Variants in TENM2 observed in about 807,000 individuals in gnomAD.
The protein encoded by TENM2 is teneurin transmembrane protein 2.
In TENM2, 52 loss-of-function variants were observed where a neutral mutation model predicts 245.2. That is an observed-to-expected ratio of 0.21 (90% confidence interval 0.17 to 0.27). TENM2 has a LOEUF of 0.27. TENM2 is among the 10% of genes least tolerant of loss of function. TENM2 has a pLI of 1.00. For missense variants in TENM2, 3,046 were observed against 3,666.8 expected (o/e 0.83, Z 4.37); for synonymous variants, 1,363 against 1,438.9 (o/e 0.95, Z 1.19).
intron 2 of TENM2, among the ~76,000 whole-genome samples, chr5:167,869,481 A>T (rs190885299): frequency 2.0e-4 from 30 of 152,352 alleles, no homozygotes; most frequent in African/African-American, 6.5e-4. Context: ...AGTGTGGGTG[A>T]TAAGTGTGGA....
chr5:167,640,894 T>TGG (rs1319130853), intron 2 of TENM2, among the ~76,000 whole-genome samples: 1 of 108,406 alleles, frequency 9.2e-6, no homozygotes, highest in Admixed American at 9.7e-5. Context: ...TATATATATA[T>TGG]ATATATATAT....
intron 2 of TENM2, among the ~76,000 whole-genome samples, chr5:167,748,809 C>T (rs1761760012): frequency 6.6e-6 from 1 of 152,062 alleles, no homozygotes; most frequent in African/African-American, 2.4e-5. Context: ...ATCATGAGAA[C>T]AGCGCGGCGG....
chr5:167,492,923 C>T (rs1455016851), intron 2 of TENM2, among the ~76,000 whole-genome samples: 1 of 152,072 alleles, frequency 6.6e-6, no homozygotes, highest in Non-Finnish European at 1.5e-5. Context: ...ACAAAATCAG[C>T]TACTTTAAGG....
At chr5:166,990,651 A>T in the TENM2 span, among the ~76,000 whole-genome samples, 2 of 152,320 alleles carry the variant, frequency 1.3e-5, no homozygotes, top group East Asian at 3.9e-4. Flanking sequence ...AACATAATAC[A>T]TTTTACAAAA....
At chr5:167,151,804 A>G in the TENM2 span, among the ~76,000 whole-genome samples, 1 of 152,166 alleles carries the variant, frequency 6.6e-6, no homozygotes, top group South Asian at 2.1e-4. Context: ...GGCGTGAGCC[A>G]CCGCGCCTGG....
At chr5:167,161,815 A>C in the TENM2 span, among the ~76,000 whole-genome samples, 4 of 152,188 alleles carry the variant, frequency 2.6e-5, no homozygotes, top group Non-Finnish European at 5.9e-5. Flanking sequence ...CACTATTCAG[A>C]ATTTTAAATA....
intron 6 of TENM2, among the ~76,000 whole-genome samples, chr5:168,055,387 A>G (rs1005883516): frequency 6.6e-6 from 1 of 152,244 alleles, no homozygotes; most frequent in Non-Finnish European, 1.5e-5. Context: ...AATAACGCAG[A>G]CTGCACAGAG....
the TENM2 span, among the ~76,000 whole-genome samples, chr5:167,263,567 A>C: frequency 2.0e-5 from 3 of 152,070 alleles, no homozygotes; most frequent in Admixed American, 2.0e-4. Flanking sequence ...ATTCCCCATA[A>C]GCTAAAATAA....
chr5:167,392,557 A>G (rs1325152557), intron 2 of TENM2, among the ~76,000 whole-genome samples: 2 of 152,142 alleles, frequency 1.3e-5, no homozygotes, highest in East Asian at 1.9e-4. Flanking sequence ...AATCTATACC[A>G]TAACCTCTCC....
intron 2 of TENM2, among the ~76,000 whole-genome samples, chr5:167,479,901 T>G (rs1246487819): frequency 6.6e-6 from 1 of 152,198 alleles, no homozygotes; most frequent in Non-Finnish European, 1.5e-5. Flanking sequence ...TTTTAACATT[T>G]TAATGCATGA....
chr5:168,221,090 C>T (rs188150532), intron 23 of TENM2, among the ~76,000 whole-genome samples: 16 of 150,006 alleles, frequency 1.1e-4, no homozygotes, highest in African/African-American at 2.9e-4. Context: ...CCAGCCTGGG[C>T]GACAGAGCAA....
At chr5:168,057,879 GA>G in intron 6 of TENM2, among the ~76,000 whole-genome samples, 1 of 151,974 alleles carries the variant, frequency 6.6e-6, no homozygotes, top group South Asian at 2.1e-4. Context: ...TGGGTAGCTG[GA>G]AAAACCCTCA....
At chr5:168,166,487 G>A (rs1418759485) in intron 13 of TENM2, among the ~76,000 whole-genome samples, 1 of 152,140 alleles carries the variant, frequency 6.6e-6, no homozygotes, top group African/African-American at 2.4e-5. Flanking sequence ...AGAGAATTAA[G>A]CCCTAATACT....
At chr5:167,168,904 C>T in the TENM2 span, among the ~76,000 whole-genome samples, 9 of 151,918 alleles carry the variant, frequency 5.9e-5, no homozygotes, top group South Asian at 2.1e-4. Flanking sequence ...GGACTACAGG[C>T]ATGTGCCACC....
intron 2 of TENM2, among the ~76,000 whole-genome samples, chr5:167,807,616 AT>A (rs770429037): frequency 2.8e-3 from 72 of 25,456 alleles, no homozygotes; most frequent in Middle Eastern, 0.014. Flanking sequence ...TAATAAATGC[AT>A]TTTTTTTAAA....
chr5:167,297,677 T>C (rs200909257), intron 1 of TENM2: 1 of 152,114 alleles, frequency 6.6e-6, no homozygotes, highest in African/African-American at 2.4e-5. Context: ...TTTGTGTGAG[T>C]AACAAGGCTG....
intron 2 of TENM2, among the ~76,000 whole-genome samples, chr5:167,664,305 T>G (rs1755432904): frequency 6.6e-6 from 1 of 152,228 alleles, no homozygotes; most frequent in Non-Finnish European, 1.5e-5. Context: ...GTTTTCTCCT[T>G]CTAGAATTCA....
At chr5:167,044,036 A>AGGAAGGAAGGAAGGAAGGAAGGAAG in the TENM2 span, among the ~76,000 whole-genome samples, 13 of 128,512 alleles carry the variant, frequency 1.0e-4, 1 homozygote, top group Non-Finnish European at 1.6e-4. Flanking sequence ...TAGTAAGGAC[A>AGGAAGGAAGGAAGGAAGGAAGGAAG]GAAGGAAGGA....
At chr5:167,099,256 G>A in the TENM2 span, among the ~76,000 whole-genome samples, 2 of 152,262 alleles carry the variant, frequency 1.3e-5, no homozygotes, top group South Asian at 4.2e-4. Context: ...GATCATCTCT[G>A]TGAAGCAGTT....
Sources: gnomAD v4.1 joint callset for allele counts (sites outside exome capture counted in the v4.1 genomes callset) on GRCh38, gnomAD v4.1.1 for gene constraint, MANE v1.5 for transcripts, NCBI Gene and HGNC (gene_info 2026-07-23, HGNC 2026-07-21) for gene names.